The following ARFRP1 variants were observed in gnomAD, a reference collection of about 807,000 sequenced individuals.
ARFRP1 encodes ADP-ribosylation factor-related protein 1.
In ARFRP1, 19 loss-of-function variants were observed where a neutral mutation model predicts 30.3. That is an observed-to-expected ratio of 0.63 (90% confidence interval 0.44 to 0.92). The LOEUF (loss-of-function observed/expected upper bound fraction) is 0.92, where lower values mean the gene tolerates loss of function less well. Among genes scored for constraint, ARFRP1 ranks in the 40% least tolerant of loss-of-function variants. The pLI, the probability that ARFRP1 is intolerant of heterozygous loss-of-function variation, is 0.00. For missense variants in ARFRP1, 245 were observed against 267.5 expected, an observed-to-expected ratio of 0.92 and a Z score of 0.59; for synonymous variants, 133 against 114.2, an observed-to-expected ratio of 1.16 and a Z score of -1.05.
chr20:63,700,177 G>T lies in ARFRP1; in HGVS notation c.*266C>A. On this transcript the variant is annotated 3_prime_UTR_variant, in exon 8 of 8. Transcript: ENST00000622789. Reference sequence around the variant, plus strand: ...AGGTCTCCCTCAGACCCCCCAGAAAGGGCCTCGAAAGGCCGCCGCTGCGCC... The same window carrying T: ...AGGTCTCCCTCAGACCCCCCAGAAATGGCCTCGAAAGGCCGCCGCTGCGCC... 1 of 488,834 alleles carries T rather than the reference G, an allele frequency of 2.0e-6. No individual in the cohort carries two copies. Among genetic ancestry groups the T allele is most frequent in the South Asian group, 2.1e-5 (1 of 47,948 alleles). 30.3% of individuals were successfully genotyped at this position (488,834 alleles called of 1,614,324 possible). A position where few individuals can be genotyped will look rare whatever the true frequency, so the allele number is the denominator to read the frequency against.
Position 63,699,351 on chromosome 20 carries a change from A to G in ARFRP1, c.*1092T>C, listed in dbSNP as rs2091078625. The stretch of plus-strand genomic sequence containing the variant: ...TCCCAGCAGCTCCTCCCAGGACCCC[A>G]TGTCCTTCCCACATCCGCAGGAAGG... On this transcript the variant is annotated 3_prime_UTR_variant, in exon 8 of 8. Transcript: ENST00000622789. The G allele has an allele frequency of 6.6e-6, 1 of 151,002 alleles. No homozygotes were observed. The highest frequency in any genetic ancestry group is 2.1e-4 in the South Asian group (1 of 4,746). The allele number at this position is 151,002 out of a possible 1,614,324, so 9.4% of individuals were successfully genotyped here. A position where few individuals can be genotyped will look rare whatever the true frequency, so the allele number is the denominator to read the frequency against.
chr20:63,707,283 T>G, intron 1 of ARFRP1, 186 bp from the exon 2 acceptor site: 1 of 599,922 alleles, frequency 1.7e-6, no homozygotes, highest in Admixed American at 2.9e-5. Flanking sequence ...CAGCCGCCAC[T>G]GTGTCCTGCT....
intron 4 of ARFRP1, chr20:63,706,014 G>A: frequency 2.8e-6 from 1 of 354,782 alleles, no homozygotes; most frequent in East Asian, 7.2e-5. Flanking sequence ...TTCTCTCACT[G>A]GTCACCTGAG....
chr20:63,705,602 A>T (rs746334690), intron 4 of ARFRP1: 2 of 521,904 alleles, frequency 3.8e-6, no homozygotes, highest in Non-Finnish European at 7.9e-6. Context: ...GTGATCATGG[A>T]AGAACAAATG....
Position 63,700,403 on chromosome 20 carries a change from C to T in ARFRP1, c.*40G>A. ...AGCCAACAGGAGGCCACTCCTCCAG[C>T]ACCAGGGGACCAGCCGTCCCGACGG... On this transcript the variant is annotated 3_prime_UTR_variant, in exon 8 of 8. Coordinates refer to ENST00000622789, the MANE Select transcript of ARFRP1 (RefSeq NM_001267547.3). 1 of 1,601,972 alleles carries T rather than the reference C, an allele frequency of 6.2e-7. No individual in the cohort carries two copies. The highest frequency in any genetic ancestry group is 8.5e-7 in the Non-Finnish European group (1 of 1,179,290).
chr20:63,702,681 C>T (rs2091270567), intron 4 of ARFRP1: 3 of 185,624 alleles, frequency 1.6e-5, no homozygotes, highest in Admixed American at 5.6e-5. Context: ...CTGTAGTGAG[C>T]TCTGATCACA....
chr20:63,700,270 G>A lies in ARFRP1; in HGVS notation c.*173C>T, dbSNP rs2091132693. On this transcript the variant is annotated 3_prime_UTR_variant, in exon 8 of 8. Coordinates refer to ENST00000622789, the MANE Select transcript of ARFRP1 (RefSeq NM_001267547.3). Reference sequence around the variant, plus strand: ...GCCAGACTCCCCTCCAAAGCCTCCGGATGCCTACGCTTTTCCAGACATAGA... The same window carrying A: ...GCCAGACTCCCCTCCAAAGCCTCCGAATGCCTACGCTTTTCCAGACATAGA... The A allele has an allele frequency of 7.0e-6, 7 of 998,002 alleles. No individual in the cohort carries two copies. The highest frequency in any genetic ancestry group is 2.7e-5 in the East Asian group (1 of 37,502). The allele number at this position is 998,002 out of a possible 1,614,324, so 61.8% of individuals were successfully genotyped here.
intron 5 of ARFRP1, 93 bp from the exon 6 acceptor site, chr20:63,701,993 CCT>C: frequency 1.7e-6 from 2 of 1,173,462 alleles, no homozygotes; most frequent in Non-Finnish European, 2.3e-6. Context: ...ACAGCCACTC[CCT>C]CTGCCCCCCC....
At chr20:63,701,803 G>T (rs1461440166) in intron 6 of ARFRP1, 27 bp downstream of exon 6, 4 of 1,548,302 alleles carry the variant, frequency 2.6e-6, no homozygotes, top group Non-Finnish European at 3.5e-6. Flanking sequence ...TCGGGAAGCT[G>T]CTGCGGGAGG....
At chr20:63,706,125 C>A in intron 4 of ARFRP1, 1 of 495,580 alleles carries the variant, frequency 2.0e-6, no homozygotes, top group Non-Finnish European at 3.7e-6. Context: ...GGCCCCATCG[C>A]AGGGAACTCC....
In ARFRP1 at chr20:63,706,422, C is replaced by T; in HGVS notation, c.199G>A (p.Gly67Arg). Residue 67 changes from glycine to arginine, a missense_variant, in exon 4 of 8, where the codon GGA (glycine) becomes AGA (arginine). Physicochemically the swap from Gly to Arg is moderately radical, Grantham distance 125. Coordinates refer to ENST00000622789, the MANE Select transcript of ARFRP1 (RefSeq NM_001267547.3). Reference protein sequence around the residue: ...VGLNIGTVDVGKARLMFWDLG... With the variant: ...VGLNIGTVDVRKARLMFWDLG... ...TCCCAGAACATGAGCCGAGCCTTTCCCACATCCACAGTGCCGACTGGGGAG... is the reference window on the plus strand; with the variant it reads ...TCCCAGAACATGAGCCGAGCCTTTCTCACATCCACAGTGCCGACTGGGGAG... 1 of 1,613,420 alleles carries T rather than the reference C, an allele frequency of 6.2e-7. No individual in the cohort carries two copies. The highest frequency in any genetic ancestry group is 8.5e-7 in the Non-Finnish European group (1 of 1,180,020).
chr20:63,700,571 C>A (rs1399269056), intron 7 of ARFRP1, 31 bp downstream of exon 7: 1 of 1,610,334 alleles, frequency 6.2e-7, no homozygotes, highest in African/African-American at 1.3e-5. Context: ...TCTCGGTCCC[C>A]AAAGCCCCCG....
At position 63,706,440 on chromosome 20, in the gene ARFRP1, C is replaced by T. The variant is rs1176906635; in HGVS notation, c.182-1G>A. 1 of 1,613,298 alleles carries T rather than the reference C, an allele frequency of 6.2e-7. No homozygotes were observed. Among genetic ancestry groups the T allele is most frequent in the Non-Finnish European group, 8.5e-7 (1 of 1,179,942 alleles). On this transcript the variant is annotated splice_acceptor_variant, in intron 3 of 7. Coordinates refer to ENST00000622789, the MANE Select transcript of ARFRP1 (RefSeq NM_001267547.3). LOFTEE classifies it high-confidence loss of function. ...GCCTTTCCCACATCCACAGTGCCGA[C>T]TGGGGAGAGGAGGAAACAGGCAAGG...
chr20:63,701,276 G>A (rs768568784), intron 6 of ARFRP1: 4 of 445,416 alleles, frequency 9.0e-6, no homozygotes, highest in Admixed American at 7.0e-5. Context: ...AAGGCAGGAA[G>A]TGAAGATTCA....
rs763260169 is a variant in ARFRP1 at position 63,706,348 on chromosome 20, G to A, written c.264+9C>T. On this transcript the variant is annotated intron_variant, in intron 4 of 7. Transcript: ENST00000622789. ...TGGGGTGGGGGTGGTCCTGGCCAGG[G>A]AGTCTTACCTTGTCCCACAAAGACT... The A allele has an allele frequency of 6.2e-7, 1 of 1,612,302 alleles. No individual in the cohort carries two copies. The highest frequency in any genetic ancestry group is 1.3e-5 in the African/African-American group (1 of 75,020).
rs530649700 is a variant in ARFRP1 at position 63,702,579 on chromosome 20, G to A, written c.265-362C>T. 14 of 301,308 alleles carry A rather than the reference G, an allele frequency of 4.6e-5. No homozygotes were observed. In the East Asian group the frequency reaches 7.7e-4, roughly 16 times the overall value. The allele number at this position is 301,308 out of a possible 1,614,324, so 18.7% of individuals were successfully genotyped here. On this transcript the variant is annotated intron_variant, in intron 4 of 7. Transcript: ENST00000622789. ...AACCTGGGCAACACAGTGAGACTCC[G>A]TCTGTACAAAAGCTTATGGTAATGT...
rs929861235 is a variant in ARFRP1 at position 63,706,179 on chromosome 20, C to T, written c.264+178G>A. 1.1e-5 allele frequency: 7 copies of T among 616,782 alleles called. No individual in the cohort carries two copies. In the African/African-American group the frequency reaches 1.3e-4, roughly 11 times the overall value. The allele number at this position is 616,782 out of a possible 1,614,324, so 38.2% of individuals were successfully genotyped here. A position where few individuals can be genotyped will look rare whatever the true frequency, so the allele number is the denominator to read the frequency against. On this transcript the variant is annotated intron_variant, in intron 4 of 7. Transcript: ENST00000622789. Reference sequence around the variant, plus strand: ...ACCACCACTTTTGGGGCAACTTCAGCTAAGGGTTCAGCTGGGACAAAACAG... The same window carrying T: ...ACCACCACTTTTGGGGCAACTTCAGTTAAGGGTTCAGCTGGGACAAAACAG...
At chr20:63,701,753 G>T in intron 6 of ARFRP1, 77 bp downstream of exon 6, 1 of 1,388,402 alleles carries the variant, frequency 7.2e-7, no homozygotes, top group Non-Finnish European at 1.0e-6. Context: ...GGGTGTCTGG[G>T]TGCACACCTG....
At position 63,700,183 on chromosome 20, in the gene ARFRP1, CGAAAGGCCGCCGCTGCGCCCTGTG is replaced by C. The variant is rs1190011495; in HGVS notation, c.*236_*259del. ...CCCTCAGACCCCCCAGAAAGGGCCT[CGAAAGGCCGCCGCTGCGCCCTGTG>C]GAAAGGCTGCCGCTGCAGGGCCTGG... On this transcript the variant is annotated 3_prime_UTR_variant, in exon 8 of 8. Coordinates refer to ENST00000622789, the MANE Select transcript of ARFRP1 (RefSeq NM_001267547.3). The C allele has an allele frequency of 2.7e-4, 137 of 505,906 alleles. 2 individuals carry two copies. Among genetic ancestry groups the C allele is most frequent in the South Asian group, 5.8e-4 (28 of 48,304 alleles). 31.3% of individuals were successfully genotyped at this position (505,906 alleles called of 1,614,324 possible).
Sources: gnomAD v4.1 joint callset for allele counts on GRCh38, gnomAD v4.1.1 for gene constraint, MANE v1.5 for transcripts, NCBI Gene and HGNC (gene_info 2026-07-23, HGNC 2026-07-21) for gene names.